JPT1: variants seen among roughly 807,000 people sequenced by gnomAD.
JPT1 encodes Jupiter microtubule associated homolog 1, also known as androgen-regulated protein 2.
JPT1 carries 5 observed loss-of-function variants against 17.0 expected under a neutral mutation model. The ratio of observed to expected loss-of-function variants is 0.29; its 90% CI spans 0.15 to 0.62. The LOEUF is 0.62. Among genes scored for constraint, JPT1 ranks in the 20% least tolerant of loss-of-function variants. The pLI is 0.85. For missense variants in JPT1, 158 were observed against 188.1 expected, an observed-to-expected ratio of 0.84 and a Z score of 0.94; for synonymous variants, 71 against 73.6, an observed-to-expected ratio of 0.96 and a Z score of 0.18.
At chr17:75,150,287 CTT>C (rs1385357529) in intron 1 of JPT1, among the ~76,000 whole-genome samples, 1 of 151,156 alleles carries the variant, frequency 6.6e-6, no homozygotes, top group African/African-American at 2.4e-5. Context: ...CAATCTCGCT[CTT>C]GTCGCCCAGG....
intron 3 of JPT1, 147 bp from the exon 4 acceptor site, chr17:75,146,831 C>T (rs1198283423): frequency 1.6e-6 from 1 of 619,868 alleles, no homozygotes. Context: ...AGTCTGCTAC[C>T]TCTATCCAAC....
chr17:75,152,585 T>C (rs1013931326), intron 1 of JPT1, among the ~76,000 whole-genome samples: 89 of 152,198 alleles, frequency 5.8e-4, no homozygotes, highest in African/African-American at 2.1e-3. Context: ...TTGTCTCACA[T>C]TTCAAATGTA....
chr17:75,148,546 G>A lies in JPT1; in HGVS notation c.182C>T (p.Ser61Phe), dbSNP rs1438298894. ...AAGAGTACCTGCTGACTTGGCCCAA[G>A]AAGCTTGATTTTCTTCAGGTGTCCC... ...IFGTPEENQASWAKSAGAKSS... is the reference protein window; with the variant it reads ...IFGTPEENQAFWAKSAGAKSS... The change falls in exon 2 of 5, where the codon TCT becomes TTT. Residue 61 changes from serine to phenylalanine, a missense_variant. Ser to Phe is a radical substitution (Grantham distance 155, BLOSUM62 -2). Coordinates refer to ENST00000409753, the MANE Select transcript of JPT1 (RefSeq NM_016185.4). 2.5e-6 allele frequency: 4 copies of A among 1,614,056 alleles called. No individual in the cohort carries two copies. The highest frequency in any genetic ancestry group is 1.3e-5 in the African/African-American group (1 of 74,940).
At chr17:75,151,157 A>G (rs896480720) in intron 1 of JPT1, among the ~76,000 whole-genome samples, 47 of 151,588 alleles carry the variant, frequency 3.1e-4, no homozygotes, top group African/African-American at 1.1e-3. Flanking sequence ...CGGCCAAGAA[A>G]CATTTTTCTA....
rs143980360 is a variant in JPT1 at position 75,145,057 on chromosome 17, A to T, written c.316+1609T>A. 7.5e-4 allele frequency among the ~76,000 whole-genome samples: 113 copies of T among 149,724 alleles called. 1 individual carries two copies. The highest frequency in any genetic ancestry group is 2.7e-3 in the African/African-American group (111 of 40,590). ...CGCGTGCCTGTAATCCCAGCTATTC[A>T]GGAGGCTGAGCCAGGAGAAGTGCTT... On this transcript the variant is annotated intron_variant, in intron 4 of 4. Transcript: ENST00000409753.
chr17:75,150,860 T>TTTTGTTTTG (rs2074537980), intron 1 of JPT1, among the ~76,000 whole-genome samples: 2 of 140,154 alleles, frequency 1.4e-5, no homozygotes, highest in African/African-American at 5.1e-5. Flanking sequence ...TTTTTTTTTT[T>TTTTGTTTTG]TTTTTTTTTT....
At chr17:75,137,311 A>G (rs1300346585) in intron 4 of JPT1, among the ~76,000 whole-genome samples, 3 of 135,436 alleles carry the variant, frequency 2.2e-5, no homozygotes, top group East Asian at 2.0e-4. Context: ...AATAGTATAC[A>G]TATTTTTAGT....
At chr17:75,141,883 A>C (rs2074317040) in intron 4 of JPT1, among the ~76,000 whole-genome samples, 1 of 151,986 alleles carries the variant, frequency 6.6e-6, no homozygotes, top group African/African-American at 2.4e-5. Context: ...AGCCTGGTGA[A>C]TATGGTGAAA....
intron 1 of JPT1, among the ~76,000 whole-genome samples, chr17:75,152,372 A>G (rs2074568106): frequency 6.6e-6 from 1 of 152,192 alleles, no homozygotes; most frequent in Admixed American, 6.5e-5. Flanking sequence ...TCCCTACCAG[A>G]CTAAATTTAT....
At chr17:75,151,148 G>A (rs1392954398) in intron 1 of JPT1, among the ~76,000 whole-genome samples, 1 of 151,644 alleles carries the variant, frequency 6.6e-6, no homozygotes, top group African/African-American at 2.4e-5. Context: ...CACCGCGCCC[G>A]GCCAAGAAAC....
chr17:75,147,730 G>T, intron 2 of JPT1, 77 bp from the exon 3 acceptor site: 1 of 1,162,440 alleles, frequency 8.6e-7, no homozygotes, highest in Non-Finnish European at 1.3e-6. Context: ...TGGGCACGGT[G>T]GCTCATGCCT....
intron 4 of JPT1, 152 bp from the exon 5 acceptor site, chr17:75,136,402 T>G: frequency 1.6e-6 from 1 of 626,366 alleles, no homozygotes; most frequent in Non-Finnish European, 2.7e-6. Flanking sequence ...ATGCTCCCAC[T>G]CCACAGAATT....
In JPT1 at chr17:75,146,848, C is replaced by T. The variant is rs2074447860; in HGVS notation, c.298-164G>A. 5.3e-6 allele frequency: 3 copies of T among 570,944 alleles called. No individual in the cohort carries two copies. In the South Asian group the frequency reaches 6.4e-5, roughly 12 times the overall value. The allele number at this position is 570,944 out of a possible 1,614,324, so 35.4% of individuals were successfully genotyped here. ...TCTGCTACCTCTATCCAACTCAGGA[C>T]AATGCTATGCAAAAATTCTGCATGA... On this transcript the variant is annotated intron_variant, in intron 3 of 4. Coordinates refer to ENST00000409753, the MANE Select transcript of JPT1 (RefSeq NM_016185.4).
In JPT1 at chr17:75,136,079, G is replaced by A. The variant is rs768008772; in HGVS notation, c.*23C>T. The A allele has an allele frequency of 2.0e-5, 33 of 1,614,172 alleles. No homozygotes were observed. Among genetic ancestry groups the A allele is most frequent in the Admixed American group, 5.0e-5 (3 of 60,028 alleles). ...CAAGCATGGAGGAAACAGACAGAAC[G>A]ACAGCGTTCAGGACAGTCAGAGCTA... On this transcript the variant is annotated 3_prime_UTR_variant, in exon 5 of 5. Coordinates refer to ENST00000409753, the MANE Select transcript of JPT1 (RefSeq NM_016185.4).
rs573519098 is a variant in JPT1 at position 75,143,850 on chromosome 17, G to A, written c.316+2816C>T. On this transcript the variant is annotated intron_variant, in intron 4 of 4. Transcript: ENST00000409753. ...GAGACTCCATCTCAGAAAAAAAAAAGAGCGAATCTCCATCTCGAGAAAAAA... is the reference window on the plus strand; with the variant it reads ...GAGACTCCATCTCAGAAAAAAAAAAAAGCGAATCTCCATCTCGAGAAAAAA... Among the ~76,000 whole-genome samples the A allele has an allele frequency of 1.4e-4, 21 of 151,728 alleles. No individual in the cohort carries two copies. The East Asian group carries it at 2.3e-3, about 17-fold the overall frequency.
chr17:75,153,065 C>T (rs2074578737), intron 1 of JPT1: 1 of 152,122 alleles, frequency 6.6e-6, no homozygotes, highest in Non-Finnish European at 1.5e-5. Context: ...CTTCTTAGCC[C>T]CACAAAATGG....
chr17:75,147,569 A>T lies in JPT1; in HGVS notation c.284T>A (p.Phe95Tyr), dbSNP rs901505030. ...TGTCACACTGACCTTCAGATCTAAG[A>T]AGTCTCCGGAGCTTGCTTCAGAGGA... ...RNSSEASSGD[F>Y]LDLKGEGDIH... The change falls in exon 3 of 5, where the codon TTC becomes TAC. Residue 95 changes from phenylalanine (F) to tyrosine (Y), a missense_variant. By Grantham distance (22) the Phe-to-Tyr change is conservative (BLOSUM62 3). Transcript: ENST00000409753. 15 of 1,613,000 alleles carry T rather than the reference A, an allele frequency of 9.3e-6. No individual in the cohort carries two copies. The highest frequency in any genetic ancestry group is 1.3e-5 in the Non-Finnish European group (15 of 1,179,124).
chr17:75,142,877 T>C (rs2074354102), intron 4 of JPT1: 3 of 397,478 alleles, frequency 7.5e-6, no homozygotes, highest in Non-Finnish European at 1.5e-5. Context: ...TACATACGTA[T>C]ATGAAAATAC....
intron 1 of JPT1, among the ~76,000 whole-genome samples, chr17:75,151,695 C>A (rs1030683161): frequency 6.6e-6 from 1 of 151,306 alleles, no homozygotes; most frequent in African/African-American, 2.4e-5. Flanking sequence ...TAAGGCAGGG[C>A]GCAGTGGCTC....
Sources: allele counts gnomAD v4.1 joint callset (sites outside exome capture counted in the v4.1 genomes callset), GRCh38; gene constraint gnomAD v4.1.1; transcripts MANE v1.5; gene names NCBI Gene and HGNC (gene_info 2026-07-23, HGNC 2026-07-21).